Variants in USP34 observed in about 807,000 individuals in gnomAD.
USP34 encodes the protein ubiquitin specific peptidase 34.
USP34 carries 70 observed loss-of-function variants against 460.3 expected under a neutral mutation model. The observed-to-expected ratio is 0.15, with a 90% CI of 0.13 to 0.19. The LOEUF (loss-of-function observed/expected upper bound fraction) is 0.19, where lower values mean the gene tolerates loss of function less well. Among genes scored for constraint, USP34 ranks in the 10% least tolerant of loss-of-function variants. USP34 has a pLI of 1.00. For missense variants in USP34, 3,985 were observed against 4,236.2 expected, an observed-to-expected ratio of 0.94 and a Z score of 1.65; for synonymous variants, 1,647 against 1,405.3, an observed-to-expected ratio of 1.17 and a Z score of -3.85.
intron 75 of USP34, among the ~76,000 whole-genome samples, chr2:61,201,214 T>G (rs1018068757): frequency 2.1e-5 from 3 of 141,414 alleles, no homozygotes; most frequent in African/African-American, 7.9e-5. Context: ...ATAGAAAGTT[T>G]TTTTTTTTTT....
chr2:61,469,990 T>A (rs1279722096), intron 1 of USP34, among the ~76,000 whole-genome samples: 1 of 152,332 alleles, frequency 6.6e-6, no homozygotes, highest in Admixed American at 6.5e-5. Context: ...TGTAGTACAG[T>A]GCTCTGCTTA....
At chr2:61,424,591 A>C (rs1004871834) in intron 1 of USP34, among the ~76,000 whole-genome samples, 1 of 152,196 alleles carries the variant, frequency 6.6e-6, no homozygotes, top group Middle Eastern at 3.2e-3. Context: ...AAAAATGATC[A>C]AGAAAAGAAA....
In USP34 at chr2:61,232,604, G is replaced by A. The variant is rs192196737; in HGVS notation, c.7033-72C>T. The A allele has an allele frequency of 4.0e-4, 482 of 1,201,756 alleles. 2 individuals carry two copies. In the East Asian group the frequency reaches 8.7e-3, roughly 22 times the overall value. The allele number at this position is 1,201,756 out of a possible 1,614,324, so 74.4% of individuals were successfully genotyped here. A position where few individuals can be genotyped will look rare whatever the true frequency, so the allele number is the denominator to read the frequency against. ...GTTACATGGGATAACAGTCACATAA[G>A]AATTTTATTTCTAGTCAATGTTTTA... On this transcript the variant is annotated intron_variant, in intron 57 of 79. Transcript: ENST00000398571.
chr2:61,383,611 G>C (rs1052201259), intron 5 of USP34, among the ~76,000 whole-genome samples: 9 of 151,986 alleles, frequency 5.9e-5, no homozygotes, highest in Non-Finnish European at 2.9e-5. Flanking sequence ...GCTGAGGCAG[G>C]AGAATCGCTT....
chr2:61,434,543 T>C (rs1694761201), intron 1 of USP34, among the ~76,000 whole-genome samples: 1 of 152,158 alleles, frequency 6.6e-6, no homozygotes, highest in Non-Finnish European at 1.5e-5. Flanking sequence ...CATGTGTCCC[T>C]GACTTGAGAA....
chr2:61,199,493 T>C (rs1486999789), intron 75 of USP34, among the ~76,000 whole-genome samples: 1 of 152,198 alleles, frequency 6.6e-6, no homozygotes, highest in Non-Finnish European at 1.5e-5. Flanking sequence ...TAACCTCAGG[T>C]GATCCACCCA....
At chr2:61,232,562 AC>A in intron 57 of USP34, 30 bp from the exon 58 acceptor site, 1 of 1,524,002 alleles carries the variant, frequency 6.6e-7, no homozygotes, top group Non-Finnish European at 9.0e-7. Context: ...CATGACTTTA[AC>A]ATTCAACAAA....
At chr2:61,388,126 C>T (rs930604911) in intron 5 of USP34, among the ~76,000 whole-genome samples, 1 of 152,018 alleles carries the variant, frequency 6.6e-6, no homozygotes, top group African/African-American at 2.4e-5. Flanking sequence ...GTGGCACACA[C>T]CAGCTATGCA....
At chr2:61,381,130 C>G (rs982600824) in intron 6 of USP34, among the ~76,000 whole-genome samples, 14 of 151,826 alleles carry the variant, frequency 9.2e-5, no homozygotes, top group Non-Finnish European at 7.4e-5. Context: ...TGTTTATCTG[C>G]TGACCTTCCC....
chr2:61,399,071 A>G (rs1693630821), intron 3 of USP34, among the ~76,000 whole-genome samples: 1 of 152,136 alleles, frequency 6.6e-6, no homozygotes, highest in African/African-American at 2.4e-5. Flanking sequence ...AAAATCTCCT[A>G]ACGGCCGGTG....
At chr2:61,414,862 C>T (rs995109806) in intron 2 of USP34, among the ~76,000 whole-genome samples, 10 of 152,076 alleles carry the variant, frequency 6.6e-5, no homozygotes, top group African/African-American at 2.2e-4. Flanking sequence ...CAAAGTTACA[C>T]CCTATGCAAA....
At position 61,190,534 on chromosome 2, in the gene USP34, G is replaced by A. The variant is rs1686606559; in HGVS notation, c.9713C>T (p.Thr3238Ile). 6.2e-7 allele frequency: 1 copy of A among 1,613,848 alleles called. No individual in the cohort carries two copies. The highest frequency in any genetic ancestry group is 8.5e-7 in the Non-Finnish European group (1 of 1,179,924). ...ACTACGTACCTTTAGAAGGAAATGT[G>A]TCATGAACGTGTAGACAATGTTGTT... ...LNNNIVYTFM[T>I]HFLLKVQSQV... is the part of the protein sequence containing the mutation. The change falls in exon 77 of 80, where the codon ACA becomes ATA. Residue 3238 changes from threonine to isoleucine, a missense_variant. Thr to Ile is a moderately conservative substitution (Grantham distance 89). Transcript: ENST00000398571.
At chr2:61,302,294 G>A (rs995717179) in intron 27 of USP34, among the ~76,000 whole-genome samples, 53 of 152,202 alleles carry the variant, frequency 3.5e-4, no homozygotes, top group African/African-American at 1.2e-3. Context: ...TAAGGCTATC[G>A]CTTTTCATAA....
intron 32 of USP34, among the ~76,000 whole-genome samples, chr2:61,294,116 C>T (rs180784204): frequency 2.6e-5 from 4 of 152,092 alleles, no homozygotes; most frequent in South Asian, 2.1e-4. Flanking sequence ...GAGGCCGAGG[C>T]GGGTGGATCA....
intron 62 of USP34, 89 bp downstream of exon 62, chr2:61,226,978 A>T: frequency 1.4e-6 from 2 of 1,405,144 alleles, no homozygotes; most frequent in South Asian, 3.1e-5. Flanking sequence ...TATATAATAA[A>T]AAGCTAGTGG....
intron 43 of USP34, among the ~76,000 whole-genome samples, chr2:61,261,141 A>T (rs1395408943): frequency 1.3e-5 from 2 of 152,208 alleles, no homozygotes; most frequent in Non-Finnish European, 2.9e-5. Context: ...ATATGATCCA[A>T]CAATTCCACT....
chr2:61,239,300 T>TCACACACACACACA (rs60152908), intron 53 of USP34, among the ~76,000 whole-genome samples: 50 of 132,850 alleles, frequency 3.8e-4, no homozygotes, highest in East Asian at 1.6e-3. Flanking sequence ...GAGGGCCCTG[T>TCACACACACACACA]CACACACACA....
chr2:61,293,226 T>G (rs973494299), intron 33 of USP34, among the ~76,000 whole-genome samples: 1 of 152,088 alleles, frequency 6.6e-6, no homozygotes, highest in Admixed American at 6.5e-5. Flanking sequence ...GAAACATGTT[T>G]ATGAACTGGC....
At chr2:61,262,116 A>AATATATAT (rs70963406) in intron 43 of USP34, among the ~76,000 whole-genome samples, 32 of 47,392 alleles carry the variant, frequency 6.8e-4, no homozygotes, top group African/African-American at 1.9e-3. Context: ...AAAAAAAAAA[A>AATATATAT]ATATATATAT....
Sources: gnomAD v4.1 joint callset for allele counts (sites outside exome capture counted in the v4.1 genomes callset) on GRCh38, gnomAD v4.1.1 for gene constraint, MANE v1.5 for transcripts, NCBI Gene and HGNC (gene_info 2026-07-23, HGNC 2026-07-21) for gene names.